RNF157: variants seen among roughly 807,000 people sequenced by gnomAD.
RNF157 encodes ring finger protein 157.
A neutral mutation model predicts 88.3 loss-of-function variants in RNF157; 55 were observed. The ratio of observed to expected loss-of-function variants is 0.62; its 90% CI spans 0.50 to 0.78. The LOEUF (loss-of-function observed/expected upper bound fraction) is 0.78, where lower values mean the gene tolerates loss of function less well. Among genes scored for constraint, RNF157 ranks in the 30% least tolerant of loss-of-function variants. The pLI is 0.00. For missense variants in RNF157, 788 were observed against 860.8 expected (o/e 0.92, Z 1.06); for synonymous variants, 334 against 341.2 (o/e 0.98, Z 0.23).
At chr17:76,236,004 GTC>G (rs1373535138) in intron 1 of RNF157, among the ~76,000 whole-genome samples, 1 of 152,116 alleles carries the variant, frequency 6.6e-6, no homozygotes, top group Non-Finnish European at 1.5e-5. Context: ...GTGAGACCCT[GTC>G]TCTAAAAATA....
chr17:76,179,987 C>A lies in RNF157; in HGVS notation c.208-6197G>T, dbSNP rs535330800. ...TACTGAGTAAGGGAGTGCATGGTGA[C>A]AAGGAAGACCAGATAAAGTCTTTCT... On this transcript the variant is annotated intron_variant, in intron 2 of 18. Coordinates refer to ENST00000269391, the MANE Select transcript of RNF157 (RefSeq NM_052916.3). Among the ~76,000 whole-genome samples, 4 of 152,290 alleles carry A rather than the reference C, an allele frequency of 2.6e-5. No homozygotes were observed. The South Asian group carries it at 8.3e-4, about 32-fold the overall frequency.
chr17:76,162,089 A>AAGAT, intron 9 of RNF157, 87 bp from the exon 10 acceptor site: 1 of 1,353,080 alleles, frequency 7.4e-7, no homozygotes, highest in Non-Finnish European at 1.0e-6. Context: ...CTGAAGAGCT[A>AAGAT]AGATAAGTAA....
At chr17:76,219,163 AAATAAT>A (rs964724327) in intron 1 of RNF157, among the ~76,000 whole-genome samples, 3 of 152,010 alleles carry the variant, frequency 2.0e-5, no homozygotes, top group Admixed American at 6.6e-5. Context: ...TAACAGACAA[AAATAAT>A]AATAATAACA....
chr17:76,190,364 G>A (rs2069364486), intron 2 of RNF157, among the ~76,000 whole-genome samples: 3 of 151,744 alleles, frequency 2.0e-5, no homozygotes, highest in Admixed American at 2.0e-4. Context: ...ACGGAGTTTC[G>A]CCATGTTGGC....
At chr17:76,191,303 C>G (rs956698072) in intron 2 of RNF157, among the ~76,000 whole-genome samples, 1 of 151,634 alleles carries the variant, frequency 6.6e-6, no homozygotes, top group Non-Finnish European at 1.5e-5. Context: ...TAGTGAGACA[C>G]CGTCTCTACA....
intron 1 of RNF157, among the ~76,000 whole-genome samples, chr17:76,233,224 G>C (rs1598451139): frequency 1.3e-5 from 2 of 152,040 alleles, no homozygotes; most frequent in East Asian, 3.9e-4. Flanking sequence ...CTGGCCTCTT[G>C]CACATTTTTT....
chr17:76,161,814 A>T lies in RNF157; in HGVS notation c.952+29T>A, dbSNP rs1179734535. On this transcript the variant is annotated intron_variant, in intron 10 of 18. Transcript: ENST00000269391. This position sits in a 1 kb window ranked among gnomAD's most constrained non-coding sequence, Gnocchi z 4.6. ...TGTCCTCTTGTCCCCTCTCCCACCC[A>T]CCAGTCCCCCTGCCGCTCTGGGGCT... is the stretch of plus-strand genomic sequence containing the variant. The T allele has an allele frequency of 6.2e-7, 1 of 1,607,836 alleles. No individual in the cohort carries two copies. Among genetic ancestry groups the T allele is most frequent in the Non-Finnish European group, 8.5e-7 (1 of 1,175,610 alleles).
Position 76,154,315 on chromosome 17 carries a change from A to G in RNF157, c.1778T>C (p.Ile593Thr). The change falls in exon 17 of 19, where the codon ATA (isoleucine) becomes ACA (threonine). Residue 593 changes from isoleucine (I) to threonine (T), a missense_variant. Transcript: ENST00000269391. ...GEQDAEGNDV[I>T]EEEDGSPTQE... is the part of the protein sequence containing the mutation. ...CGTGGGTGATCCATCCTCTTCCTCT[A>G]TAACATCATTTCCCTAGGACAGAAG... The G allele has an allele frequency of 1.9e-6, 3 of 1,612,224 alleles. No individual in the cohort carries two copies. Among genetic ancestry groups the G allele is most frequent in the South Asian group, 2.2e-5 (2 of 91,046 alleles).
chr17:76,199,765 C>T (rs1317370654), intron 2 of RNF157, among the ~76,000 whole-genome samples: 4 of 151,958 alleles, frequency 2.6e-5, no homozygotes, highest in South Asian at 2.1e-4. Flanking sequence ...ACTGGGACCC[C>T]GTCTCTCTGA....
At chr17:76,230,752 C>T (rs1026358471) in intron 1 of RNF157, among the ~76,000 whole-genome samples, 1 of 147,360 alleles carries the variant, frequency 6.8e-6, no homozygotes, top group African/African-American at 2.5e-5. Context: ...GCAGGAGAAT[C>T]GCTTGAACCC....
At chr17:76,219,890 A>G (rs981835725) in intron 1 of RNF157, among the ~76,000 whole-genome samples, 5 of 152,186 alleles carry the variant, frequency 3.3e-5, no homozygotes, top group Non-Finnish European at 5.9e-5. Context: ...TAATTATGTG[A>G]TTTTCAATTT....
At chr17:76,178,349 C>T (rs376032465) in intron 2 of RNF157, among the ~76,000 whole-genome samples, 1 of 152,232 alleles carries the variant, frequency 6.6e-6, no homozygotes, top group African/African-American at 2.4e-5. Context: ...GCCACAGCCT[C>T]GCAGACAGCT....
chr17:76,177,825 C>T lies in RNF157; in HGVS notation c.208-4035G>A, dbSNP rs150448014. Among the ~76,000 whole-genome samples the T allele has an allele frequency of 7.8e-3, 1,183 of 152,246 alleles. 9 individuals are homozygous for T. Among genetic ancestry groups the T allele is most frequent in the African/African-American group, 0.027 (1,118 of 41,544 alleles). ...GCTGCAGAGATGTCCATAAGACCAG[C>T]TGCAGAGAGGAGCTACGCACTCCAG... On this transcript the variant is annotated intron_variant, in intron 2 of 18. Coordinates refer to ENST00000269391, the MANE Select transcript of RNF157 (RefSeq NM_052916.3).
At chr17:76,167,272 T>C (rs1463024855) in intron 4 of RNF157, 146 bp from the exon 5 acceptor site, 1 of 694,180 alleles carries the variant, frequency 1.4e-6, no homozygotes, top group African/African-American at 1.8e-5. Context: ...TCCTTTGCTC[T>C]TGCTTGGCAA....
At chr17:76,182,248 G>A (rs755171260) in intron 2 of RNF157, among the ~76,000 whole-genome samples, 3 of 152,166 alleles carry the variant, frequency 2.0e-5, no homozygotes, top group Non-Finnish European at 2.9e-5. Flanking sequence ...GACCTCAGGC[G>A]TTTGCTGACG....
At chr17:76,212,288 T>C (rs1248178033) in intron 2 of RNF157, 76 bp downstream of exon 2, 2 of 1,057,558 alleles carry the variant, frequency 1.9e-6, no homozygotes, top group African/African-American at 1.6e-5. Context: ...AACAAGCAAC[T>C]GCAAACTTAT....
At chr17:76,212,297 A>T in intron 2 of RNF157, 67 bp downstream of exon 2, 1 of 1,149,618 alleles carries the variant, frequency 8.7e-7, no homozygotes. Context: ...CTGCAAACTT[A>T]TTTTTGTTAC....
At chr17:76,217,264 C>T (rs1420116651) in intron 1 of RNF157, among the ~76,000 whole-genome samples, 1 of 152,128 alleles carries the variant, frequency 6.6e-6, no homozygotes, top group Non-Finnish European at 1.5e-5. Flanking sequence ...CCGCCTCAGC[C>T]TCCCAAAGTG....
chr17:76,182,276 G>T (rs1184856412), intron 2 of RNF157, among the ~76,000 whole-genome samples: 8 of 152,284 alleles, frequency 5.3e-5, no homozygotes, highest in Admixed American at 3.9e-4. Flanking sequence ...TGTGTGTTAC[G>T]TGAGCAACTC....
Sources: allele counts gnomAD v4.1 joint callset (sites outside exome capture counted in the v4.1 genomes callset), GRCh38; gene constraint gnomAD v4.1.1; non-coding constraint Gnocchi (gnomAD v3.1); transcripts MANE v1.5; gene names NCBI Gene and HGNC (gene_info 2026-07-23, HGNC 2026-07-21).